TMEM167A: variants seen among roughly 807,000 people sequenced by gnomAD.
TMEM167A encodes the protein transmembrane protein 167A.
In TMEM167A, 8 loss-of-function variants were observed where a neutral mutation model predicts 11.6. That is an observed-to-expected ratio of 0.69 (90% CI 0.40 to 1.24). The LOEUF is 1.24. Ranked by LOEUF, TMEM167A falls within the 50% of genes most tolerant of loss-of-function variation. The pLI is 0.01. For missense variants in TMEM167A, 62 were observed against 87.0 expected, an observed-to-expected ratio of 0.71 and a Z score of 1.14; for synonymous variants, 22 against 28.0, an observed-to-expected ratio of 0.79 and a Z score of 0.67.
At chr5:83,059,178 A>C (rs2112238823) in intron 3 of TMEM167A, among the ~76,000 whole-genome samples, 2 of 152,080 alleles carry the variant, frequency 1.3e-5, no homozygotes, top group Middle Eastern at 6.8e-3. Context: ...AAAAAAAAAA[A>C]AGGACACTAG....
At chr5:83,068,227 G>C (rs977749169) in intron 1 of TMEM167A, among the ~76,000 whole-genome samples, 1 of 152,014 alleles carries the variant, frequency 6.6e-6, no homozygotes, top group Non-Finnish European at 1.5e-5. Flanking sequence ...TATCCACTTT[G>C]TCTGAGAAAT....
rs1744319672 is a variant in TMEM167A, at chr5:83,055,748, C to T, written c.*1336G>A. ...GTCTAAAATAAAAATAGGTGGCTTT[C>T]AGTTCCATACGTTGTTTCTGCAGAA... On this transcript the variant is annotated 3_prime_UTR_variant, in exon 4 of 4. Coordinates refer to ENST00000502346, the MANE Select transcript of TMEM167A (RefSeq NM_174909.5). 6.6e-6 allele frequency: 1 copy of T among 151,806 alleles called. No individual in the cohort carries two copies. Among genetic ancestry groups the T allele is most frequent in the African/African-American group, 2.4e-5 (1 of 41,396 alleles). The allele number at this position is 151,806 out of a possible 1,614,324, so 9.4% of individuals were successfully genotyped here.
At chr5:83,076,125 T>G (rs780631852) in intron 1 of TMEM167A, among the ~76,000 whole-genome samples, 5 of 152,238 alleles carry the variant, frequency 3.3e-5, no homozygotes, top group Admixed American at 6.5e-5. Context: ...AGTACTGGCT[T>G]TACAATCTAC....
intron 1 of TMEM167A, among the ~76,000 whole-genome samples, chr5:83,070,264 T>C (rs921072194): frequency 6.6e-6 from 1 of 152,182 alleles, no homozygotes; most frequent in African/African-American, 2.4e-5. Context: ...TCTGTAAGAC[T>C]GAGTACGCAG....
chr5:83,059,106 C>T (rs995939587), intron 3 of TMEM167A, among the ~76,000 whole-genome samples: 1 of 150,926 alleles, frequency 6.6e-6, no homozygotes, highest in African/African-American at 2.4e-5. Flanking sequence ...TTAAAATGAA[C>T]CATTCAACCT....
intron 1 of TMEM167A, among the ~76,000 whole-genome samples, chr5:83,069,893 CA>C (rs1265661846): frequency 6.6e-6 from 1 of 152,054 alleles, no homozygotes; most frequent in African/African-American, 2.4e-5. Context: ...AATACACATT[CA>C]AAAACCAGTG....
chr5:83,057,214 A>C, intron 3 of TMEM167A, 60 bp from the exon 4 acceptor site: 1 of 1,445,556 alleles, frequency 6.9e-7, no homozygotes, highest in Non-Finnish European at 9.7e-7. Flanking sequence ...GGCTATGACA[A>C]GGTTATACTA....
intron 3 of TMEM167A, among the ~76,000 whole-genome samples, chr5:83,058,644 T>G (rs1744366115): frequency 6.6e-6 from 1 of 152,100 alleles, no homozygotes; most frequent in Admixed American, 6.6e-5. Context: ...TAGAGTCTTA[T>G]TAAATACTTA....
At chr5:83,065,355 G>A (rs1023549324) in intron 1 of TMEM167A, among the ~76,000 whole-genome samples, 3 of 151,964 alleles carry the variant, frequency 2.0e-5, no homozygotes, top group Admixed American at 6.6e-5. Flanking sequence ...TTGGCTGGGC[G>A]GAGAATGGGC....
chr5:83,076,440 T>C (rs924904605), intron 1 of TMEM167A, among the ~76,000 whole-genome samples: 1 of 152,224 alleles, frequency 6.6e-6, no homozygotes, highest in African/African-American at 2.4e-5. Flanking sequence ...AGAATTCAAC[T>C]TCAGTTTCTA....
chr5:83,059,456 C>T (rs187806436), intron 3 of TMEM167A, among the ~76,000 whole-genome samples: 13 of 152,098 alleles, frequency 8.5e-5, no homozygotes, highest in Admixed American at 7.9e-4. Flanking sequence ...CCTGCTCTTC[C>T]ATTATGTTCT....
At chr5:83,063,703 G>GCACA (rs112611185) in intron 2 of TMEM167A, among the ~76,000 whole-genome samples, 2 of 149,632 alleles carry the variant, frequency 1.3e-5, no homozygotes, top group Non-Finnish European at 3.0e-5. Flanking sequence ...ACTTACACAT[G>GCACA]CACACACACA....
chr5:83,073,826 A>G (rs1315370486), intron 1 of TMEM167A, among the ~76,000 whole-genome samples: 2 of 152,216 alleles, frequency 1.3e-5, no homozygotes, highest in Non-Finnish European at 2.9e-5. Context: ...AAATCATCCA[A>G]GCTGGAGCTG....
chr5:83,074,188 C>T (rs889813581), intron 1 of TMEM167A, among the ~76,000 whole-genome samples: 1 of 152,222 alleles, frequency 6.6e-6, no homozygotes, highest in East Asian at 1.9e-4. Flanking sequence ...TACTTGACTT[C>T]TTTTTATTCC....
chr5:83,058,243 G>A (rs1220236202), intron 3 of TMEM167A, among the ~76,000 whole-genome samples: 1 of 151,864 alleles, frequency 6.6e-6, no homozygotes, highest in Non-Finnish European at 1.5e-5. Context: ...CTTCCTCACT[G>A]ACCTCACACT....
intron 3 of TMEM167A, among the ~76,000 whole-genome samples, chr5:83,060,690 G>C (rs1209354509): frequency 2.6e-5 from 4 of 151,990 alleles, no homozygotes; most frequent in Non-Finnish European, 5.9e-5. Flanking sequence ...AATTAGCTGG[G>C]CGTGGTGGTG....
At chr5:83,075,841 A>C (rs1357615156) in intron 1 of TMEM167A, among the ~76,000 whole-genome samples, 3 of 152,160 alleles carry the variant, frequency 2.0e-5, no homozygotes, top group Non-Finnish European at 4.4e-5. Flanking sequence ...ATGCGAACTC[A>C]AAGATACTGA....
intron 1 of TMEM167A, 52 bp downstream of exon 1, chr5:83,077,269 T>A: frequency 5.6e-6 from 9 of 1,614,126 alleles, no homozygotes; most frequent in Non-Finnish European, 7.6e-6. Context: ...CTAGTCTAGA[T>A]CCACAACCCC....
At chr5:83,064,357 G>A (rs1020235748) in intron 2 of TMEM167A, 1 of 517,738 alleles carries the variant, frequency 1.9e-6, no homozygotes, top group Non-Finnish European at 3.9e-6. Flanking sequence ...TTTTGAAGAA[G>A]AATTTTCGTG....
Sources: allele counts gnomAD v4.1 joint callset (sites outside exome capture counted in the v4.1 genomes callset), GRCh38; gene constraint gnomAD v4.1.1; transcripts MANE v1.5; gene names NCBI Gene and HGNC (gene_info 2026-07-23, HGNC 2026-07-21).